Variants in KCNK13 observed in about 807,000 individuals in gnomAD.
The protein encoded by KCNK13 is potassium channel subfamily K member 13.
A neutral mutation model predicts 23.4 loss-of-function variants in KCNK13; 12 were observed. The ratio of observed to expected loss-of-function variants is 0.51; its 90% CI spans 0.33 to 0.83. KCNK13 has a LOEUF of 0.83. Ranked by LOEUF, KCNK13 falls within the 40% of genes least tolerant of loss-of-function variation. KCNK13 has a pLI of 0.02. For missense variants in KCNK13, 463 were observed against 556.3 expected (o/e 0.83, Z 1.69); for synonymous variants, 231 against 229.5 (o/e 1.01, Z -0.06).
chr14:90,180,709 G>T (rs534191200), intron 1 of KCNK13, among the ~76,000 whole-genome samples: 11 of 152,246 alleles, frequency 7.2e-5, no homozygotes, highest in Middle Eastern at 3.4e-3. Context: ...TCATTCACTG[G>T]AAAAATCAGC....
intron 1 of KCNK13, among the ~76,000 whole-genome samples, chr14:90,095,285 A>G (rs910256542): frequency 6.6e-6 from 1 of 152,178 alleles, no homozygotes; most frequent in Non-Finnish European, 1.5e-5. Context: ...TCTTTCTAAC[A>G]GGGGTGCATG....
chr14:90,109,710 C>CTTT (rs34747181), intron 1 of KCNK13, among the ~76,000 whole-genome samples: 1 of 137,194 alleles, frequency 7.3e-6, no homozygotes, highest in African/African-American at 2.8e-5. Context: ...GTGCCTGGCC[C>CTTT]TTTATTTTTT....
At chr14:90,120,941 G>T (rs1166098841) in intron 1 of KCNK13, among the ~76,000 whole-genome samples, 1 of 152,118 alleles carries the variant, frequency 6.6e-6, no homozygotes, top group Non-Finnish European at 1.5e-5. Flanking sequence ...GATACAAGGG[G>T]GGTACAGAAT....
chr14:90,100,826 G>C (rs1283651819), intron 1 of KCNK13, among the ~76,000 whole-genome samples: 2 of 151,920 alleles, frequency 1.3e-5, no homozygotes, highest in Non-Finnish European at 2.9e-5. Flanking sequence ...CCAGCAGCTG[G>C]GACCACAGGT....
At chr14:90,103,749 G>T (rs1487337582) in intron 1 of KCNK13, among the ~76,000 whole-genome samples, 1 of 152,096 alleles carries the variant, frequency 6.6e-6, no homozygotes, top group Non-Finnish European at 1.5e-5. Flanking sequence ...TTTTAGTAGA[G>T]ACGGGGTTTC....
chr14:90,146,266 C>G (rs1317089739), intron 1 of KCNK13, among the ~76,000 whole-genome samples: 1 of 152,016 alleles, frequency 6.6e-6, no homozygotes, highest in Admixed American at 6.6e-5. Context: ...TTGCCCTAAC[C>G]TATATTTTTC....
chr14:90,067,208 G>T (rs746095015), intron 1 of KCNK13, among the ~76,000 whole-genome samples: 7 of 152,228 alleles, frequency 4.6e-5, no homozygotes, highest in African/African-American at 7.2e-5. Flanking sequence ...GGCAGAGGTT[G>T]CAGTGAGCTG....
At chr14:90,181,764 G>A (rs535502659) in intron 1 of KCNK13, among the ~76,000 whole-genome samples, 1 of 152,228 alleles carries the variant, frequency 6.6e-6, no homozygotes, top group South Asian at 2.1e-4. Context: ...TTGTCTGAAA[G>A]GACCCTCCCC....
intron 1 of KCNK13, among the ~76,000 whole-genome samples, chr14:90,126,492 C>A (rs1029346090): frequency 6.6e-6 from 1 of 151,588 alleles, no homozygotes; most frequent in African/African-American, 2.4e-5. Context: ...ATAGCACTTC[C>A]CCTCTCTGGC....
chr14:90,111,374 A>C (rs889182201), intron 1 of KCNK13, among the ~76,000 whole-genome samples: 8 of 152,144 alleles, frequency 5.3e-5, no homozygotes, highest in African/African-American at 1.7e-4. Flanking sequence ...CGAATGTGTT[A>C]CATTTCACAC....
chr14:90,140,403 C>A (rs1356121807), intron 1 of KCNK13, among the ~76,000 whole-genome samples: 1 of 152,146 alleles, frequency 6.6e-6, no homozygotes, highest in African/African-American at 2.4e-5. Flanking sequence ...AACATTTTAA[C>A]GTACCGTACT....
chr14:90,108,934 T>C (rs1454037616), intron 1 of KCNK13, among the ~76,000 whole-genome samples: 2 of 152,130 alleles, frequency 1.3e-5, no homozygotes, highest in African/African-American at 2.4e-5. Context: ...CCCAGCACTT[T>C]GGGAGGCCGA....
chr14:90,121,132 G>A (rs1466701958), intron 1 of KCNK13, among the ~76,000 whole-genome samples: 1 of 152,176 alleles, frequency 6.6e-6, no homozygotes, highest in African/African-American at 2.4e-5. Flanking sequence ...ACCAGCTAAC[G>A]TCTAGGTTTC....
chr14:90,119,205 A>G (rs1387933879), intron 1 of KCNK13, among the ~76,000 whole-genome samples: 1 of 152,184 alleles, frequency 6.6e-6, no homozygotes, highest in African/African-American at 2.4e-5. Flanking sequence ...GCTGAATTCT[A>G]CCAGATGTAC....
At chr14:90,152,841 A>G (rs1206870973) in intron 1 of KCNK13, among the ~76,000 whole-genome samples, 2 of 152,308 alleles carry the variant, frequency 1.3e-5, no homozygotes, top group African/African-American at 4.8e-5. Context: ...TTTAATTGAC[A>G]TAGAGTCTCC....
At chr14:90,095,391 A>G (rs1152444) in intron 1 of KCNK13, among the ~76,000 whole-genome samples, 114,807 of 152,134 alleles carry the variant, frequency 0.75, 43,808 homozygotes, top group African/African-American at 0.87. Flanking sequence ...CCTTGGTAGC[A>G]CCATTTGAAA....
intron 1 of KCNK13, among the ~76,000 whole-genome samples, chr14:90,085,038 G>A (rs1390107101): frequency 6.6e-6 from 1 of 152,006 alleles, no homozygotes; most frequent in African/African-American, 2.4e-5. Context: ...TGCCTCCCAG[G>A]TTCAAGCGAT....
intron 1 of KCNK13, among the ~76,000 whole-genome samples, chr14:90,153,997 T>C (rs140463014): frequency 7.2e-5 from 11 of 152,322 alleles, no homozygotes; most frequent in African/African-American, 2.6e-4. Context: ...TTAGTTCCAG[T>C]TGGACTCAGC....
intron 1 of KCNK13, among the ~76,000 whole-genome samples, chr14:90,074,184 G>T (rs1319044979): frequency 6.6e-6 from 1 of 152,104 alleles, no homozygotes; most frequent in Non-Finnish European, 1.5e-5. Flanking sequence ...TGGCCAGGCT[G>T]GTCTCGAACT....
Sources: allele counts gnomAD v4.1 joint callset (sites outside exome capture counted in the v4.1 genomes callset), GRCh38; gene constraint gnomAD v4.1.1; transcripts MANE v1.5; gene names NCBI Gene and HGNC (gene_info 2026-07-23, HGNC 2026-07-21).